The following PTPRT variants were observed in gnomAD, a reference collection of about 807,000 sequenced individuals.
PTPRT encodes protein tyrosine phosphatase receptor type T.
PTPRT carries 56 observed loss-of-function variants against 176.8 expected under a neutral mutation model. The ratio of observed to expected loss-of-function variants is 0.32; its 90% CI spans 0.26 to 0.40. The LOEUF is 0.40. Among genes scored for constraint, PTPRT ranks in the 10% least tolerant of loss-of-function variants. The pLI, the probability that PTPRT is intolerant of heterozygous loss-of-function variation, is 1.00. For missense variants in PTPRT, 1,540 were observed against 1,908.2 expected, an observed-to-expected ratio of 0.81 and a Z score of 3.60; for synonymous variants, 783 against 739.0, an observed-to-expected ratio of 1.06 and a Z score of -0.96.
chr20:42,471,605 T>C (rs1281049456), intron 8 of PTPRT, among the ~76,000 whole-genome samples: 1 of 152,190 alleles, frequency 6.6e-6, no homozygotes, highest in African/African-American at 2.4e-5. Context: ...CCTTTCTTTA[T>C]AAATTACCCA....
intron 2 of PTPRT, among the ~76,000 whole-genome samples, chr20:42,816,802 C>A (rs1165616564): frequency 1.3e-5 from 2 of 152,174 alleles, no homozygotes; most frequent in Non-Finnish European, 2.9e-5. Context: ...AACTACCTAG[C>A]CTCAGGGAAG....
At position 42,131,314 on chromosome 20, in the gene PTPRT, C is replaced by G. The variant is rs375411846; in HGVS notation, c.2771-2484G>C. 9.2e-5 allele frequency among the ~76,000 whole-genome samples: 14 copies of G among 152,326 alleles called. No homozygotes were observed. In the East Asian group the frequency reaches 2.3e-3, roughly 25 times the overall value. On this transcript the variant is annotated intron_variant, in intron 18 of 30. Transcript: ENST00000373187. ...CCTCTGTTACCAGCAGTTCCAGAAG[C>G]TGTAGGCCTCAAAAAAGTGAAAATG...
intron 16 of PTPRT, among the ~76,000 whole-genome samples, chr20:42,188,368 G>A (rs1298568108): frequency 6.6e-6 from 1 of 152,118 alleles, no homozygotes; most frequent in African/African-American, 2.4e-5. Context: ...TCCAGAAGGA[G>A]GGGCTGCGTG....
chr20:42,476,729 GAA>G (rs955881824), intron 7 of PTPRT, among the ~76,000 whole-genome samples: 1 of 152,174 alleles, frequency 6.6e-6, no homozygotes, highest in African/African-American at 2.4e-5. Flanking sequence ...TCAGGAAAGG[GAA>G]AGACAATGGC....
intron 1 of PTPRT, among the ~76,000 whole-genome samples, chr20:42,917,978 C>T (rs1035955685): frequency 1.3e-5 from 2 of 152,134 alleles, no homozygotes; most frequent in Non-Finnish European, 2.9e-5. Context: ...AATGTACTAG[C>T]GGTCGCGTGT....
chr20:42,264,473 C>T (rs765208955), intron 13 of PTPRT, among the ~76,000 whole-genome samples: 1 of 152,192 alleles, frequency 6.6e-6, no homozygotes, highest in South Asian at 2.1e-4. Context: ...GCCTTACAGC[C>T]ATATGAGTAG....
chr20:42,678,447 C>T (rs1367931186), intron 6 of PTPRT, among the ~76,000 whole-genome samples: 3 of 151,920 alleles, frequency 2.0e-5, no homozygotes, highest in African/African-American at 7.3e-5. Context: ...ATTACAGGCA[C>T]CTGCCACCAC....
At chr20:42,580,734 G>T (rs2073355922) in intron 7 of PTPRT, among the ~76,000 whole-genome samples, 1 of 152,042 alleles carries the variant, frequency 6.6e-6, no homozygotes, top group Admixed American at 6.6e-5. Flanking sequence ...AGAATGCTTG[G>T]GATTTTTGCC....
At chr20:42,107,818 C>T (rs1396705875) in intron 23 of PTPRT, among the ~76,000 whole-genome samples, 1 of 152,156 alleles carries the variant, frequency 6.6e-6, no homozygotes, top group Non-Finnish European at 1.5e-5. Context: ...TGGAACAAGA[C>T]AAAAAAGCAA....
rs1555845648 is a variant in PTPRT at position 43,188,753 on chromosome 20, G to GGA, written c.88+892_88+893insTC. Among the ~76,000 whole-genome samples, 22 of 150,604 alleles carry GGA rather than the reference G, an allele frequency of 1.5e-4. 1 individual carries two copies. The South Asian group carries it at 3.8e-3, about 26-fold the overall frequency. On this transcript the variant is annotated intron_variant, in intron 1 of 30. Coordinates refer to ENST00000373187, the MANE Select transcript of PTPRT (RefSeq NM_007050.6). ...TCTTCCCTCCGCCGCTACTCTTGGG[G>GGA]GGGGGGGGGCTCGGGGGTGGAAGCT...
At chr20:42,700,619 C>T (rs1034078818) in intron 6 of PTPRT, among the ~76,000 whole-genome samples, 4 of 152,114 alleles carry the variant, frequency 2.6e-5, no homozygotes, top group African/African-American at 7.2e-5. Context: ...TCGCATCCCT[C>T]GTTAACAGGA....
chr20:42,842,866 C>A (rs1221221695), intron 2 of PTPRT, among the ~76,000 whole-genome samples: 1 of 152,216 alleles, frequency 6.6e-6, no homozygotes, highest in Non-Finnish European at 1.5e-5. Context: ...TCCCTCAAGC[C>A]TCTTTTATAA....
intron 1 of PTPRT, among the ~76,000 whole-genome samples, chr20:42,960,704 C>A (rs942672097): frequency 2.0e-5 from 3 of 152,096 alleles, no homozygotes; most frequent in African/African-American, 4.8e-5. Flanking sequence ...ACACACACAG[C>A]CCTTAAGCAA....
At chr20:42,047,768 T>G in the PTPRT span, among the ~76,000 whole-genome samples, 2 of 152,268 alleles carry the variant, frequency 1.3e-5, no homozygotes, top group South Asian at 2.1e-4. Flanking sequence ...TGGGAGACAC[T>G]GGGCCCTTGT....
intron 1 of PTPRT, among the ~76,000 whole-genome samples, chr20:43,025,116 C>T (rs1020065719): frequency 3.3e-5 from 5 of 152,184 alleles, no homozygotes; most frequent in African/African-American, 1.2e-4. Flanking sequence ...TACAGGATAA[C>T]CTGTTCTCCC....
At chr20:42,111,153 CG>C (rs1568941800) in intron 22 of PTPRT, among the ~76,000 whole-genome samples, 1 of 152,196 alleles carries the variant, frequency 6.6e-6, no homozygotes, top group African/African-American at 2.4e-5. Context: ...AGACACACTC[CG>C]GGCCCAGTAG....
rs1333705099 is a variant in PTPRT, at chr20:42,330,914, TTAAA to T, written c.1866-14922_1866-14919del. Among the ~76,000 whole-genome samples, 4 of 152,314 alleles carry T rather than the reference TTAAA, an allele frequency of 2.6e-5. No individual in the cohort carries two copies. In the East Asian group the frequency reaches 5.8e-4, roughly 22 times the overall value. ...AGTCCCAGGCCCCACCTCAGCTCTA[TTAAA>T]TTAGAATGTGTACTTTAAGAGGTCC... On this transcript the variant is annotated intron_variant, in intron 11 of 30. Transcript: ENST00000373187.
chr20:42,089,084 G>C (rs1381439682), intron 27 of PTPRT, among the ~76,000 whole-genome samples: 2 of 152,024 alleles, frequency 1.3e-5, no homozygotes, highest in Admixed American at 6.5e-5. Flanking sequence ...ACCAAGCATA[G>C]TGAGAAAGGA....
chr20:42,804,866 C>T (rs191037429), intron 2 of PTPRT, among the ~76,000 whole-genome samples: 1 of 152,338 alleles, frequency 6.6e-6, no homozygotes, highest in Non-Finnish European at 1.5e-5. Flanking sequence ...ACACCAGTCA[C>T]ATCGAATTCA....
Sources: allele counts gnomAD v4.1 joint callset (sites outside exome capture counted in the v4.1 genomes callset), GRCh38; gene constraint gnomAD v4.1.1; transcripts MANE v1.5; gene names NCBI Gene and HGNC (gene_info 2026-07-23, HGNC 2026-07-21).